The following MAST4 variants were observed in gnomAD, a reference collection of about 807,000 sequenced individuals.
MAST4 encodes microtubule associated serine/threonine kinase family member 4, also known as microtubule-associated serine/threonine-protein kinase 4.
In MAST4, 89 loss-of-function variants were observed where a neutral mutation model predicts 162.7. The ratio of observed to expected loss-of-function variants is 0.55; its 90% CI spans 0.46 to 0.65. The LOEUF (loss-of-function observed/expected upper bound fraction) is 0.65, where lower values mean the gene tolerates loss of function less well. Ranked by LOEUF, MAST4 falls within the 30% of genes least tolerant of loss-of-function variation. The pLI, the probability that MAST4 is intolerant of heterozygous loss-of-function variation, is 0.00. For synonymous variants in MAST4, 1,479 were observed against 1,361.1 expected, an observed-to-expected ratio of 1.09 and a Z score of -1.91; for missense variants, 3,153 against 3,374.0, an observed-to-expected ratio of 0.93 and a Z score of 1.62.
chr5:67,013,002 C>CTAAT lies in MAST4; in HGVS notation c.675-41402_675-41401insTAAT, dbSNP rs368355102. Among the ~76,000 whole-genome samples the CTAAT allele has an allele frequency of 5.6e-3, 857 of 152,272 alleles. 14 individuals carry two copies. The highest frequency in any genetic ancestry group is 0.02 in the African/African-American group (812 of 41,548). Reference sequence around the variant, plus strand: ...TAGATTGGTAAGAAGAATAGGCAGTCATTACTGTATATCTCTTATCTGAAG... The same window carrying CTAAT: ...TAGATTGGTAAGAAGAATAGGCAGTCTAATATTACTGTATATCTCTTATCTGAAG... On this transcript the variant is annotated intron_variant, in intron 4 of 28. Coordinates refer to ENST00000403625, the MANE Select transcript of MAST4 (RefSeq NM_001164664.2).
chr5:66,608,182 C>T (rs948566223), intron 1 of MAST4, among the ~76,000 whole-genome samples: 4 of 151,034 alleles, frequency 2.6e-5, no homozygotes, highest in South Asian at 2.1e-4. Context: ...CTCAGCCTCC[C>T]GAGTAGCTGG....
chr5:66,924,380 G>C (rs1440297067), intron 4 of MAST4, among the ~76,000 whole-genome samples: 1 of 151,698 alleles, frequency 6.6e-6, no homozygotes, highest in South Asian at 2.1e-4. Flanking sequence ...TGACTACTTG[G>C]TCTTTGTAGA....
At chr5:66,799,125 A>G (rs1200326638) in intron 3 of MAST4, among the ~76,000 whole-genome samples, 2 of 152,292 alleles carry the variant, frequency 1.3e-5, no homozygotes, top group African/African-American at 4.8e-5. Flanking sequence ...TGTCAGAATA[A>G]TGGGTGGTAG....
At chr5:66,785,530 G>T (rs1561329354) in intron 2 of MAST4, among the ~76,000 whole-genome samples, 1 of 152,058 alleles carries the variant, frequency 6.6e-6, no homozygotes, top group Non-Finnish European at 1.5e-5. Flanking sequence ...ACCTCTCTGG[G>T]TTTAGACTGG....
chr5:66,790,090 G>C (rs1258059422), intron 3 of MAST4, among the ~76,000 whole-genome samples: 1 of 148,324 alleles, frequency 6.7e-6, no homozygotes, highest in Non-Finnish European at 1.5e-5. Context: ...TTGCATGGGT[G>C]GTAGGGTTGT....
intron 1 of MAST4, among the ~76,000 whole-genome samples, chr5:66,689,338 C>A (rs11953193): frequency 0.76 from 114,904 of 152,022 alleles, 44,652 homozygotes; most frequent in African/African-American, 0.93. Flanking sequence ...TCCCCTAATC[C>A]GAGTTTCTTC....
At chr5:66,718,174 CTTTT>C (rs200133080) in intron 1 of MAST4, among the ~76,000 whole-genome samples, 1 of 134,350 alleles carries the variant, frequency 7.4e-6, no homozygotes, top group East Asian at 2.2e-4. Flanking sequence ...GTTTTTTTTT[CTTTT>C]TTTTTTCTTT....
chr5:67,160,330 T>A (rs1773043814), intron 26 of MAST4, 126 bp from the exon 27 acceptor site: 3 of 984,566 alleles, frequency 3.0e-6, no homozygotes, highest in African/African-American at 3.3e-5. Flanking sequence ...AAGGGTTATT[T>A]AGAAACAGAA....
intron 2 of MAST4, among the ~76,000 whole-genome samples, chr5:66,779,393 CTTT>C (rs57118930): frequency 5.1e-5 from 6 of 116,686 alleles, no homozygotes; most frequent in Admixed American, 8.8e-5. Flanking sequence ...ACACATAGCA[CTTT>C]TTTTTTTTTT....
At chr5:67,113,558 A>C (rs917346132) in intron 11 of MAST4, among the ~76,000 whole-genome samples, 1 of 152,198 alleles carries the variant, frequency 6.6e-6, no homozygotes, top group Non-Finnish European at 1.5e-5. Context: ...GTAGTAACTT[A>C]ATATTATAGT....
At chr5:66,875,775 T>A (rs1431678769) in intron 3 of MAST4, among the ~76,000 whole-genome samples, 1 of 152,166 alleles carries the variant, frequency 6.6e-6, no homozygotes, top group African/African-American at 2.4e-5. Context: ...AAAAAATAAT[T>A]TTAGAGACAG....
intron 10 of MAST4, among the ~76,000 whole-genome samples, chr5:67,109,403 G>A (rs1039961793): frequency 2.6e-5 from 4 of 151,940 alleles, no homozygotes; most frequent in African/African-American, 9.7e-5. Flanking sequence ...TGTGTATTAG[G>A]TGTACATGAA....
At chr5:66,665,153 G>A (rs10471692) in intron 1 of MAST4, among the ~76,000 whole-genome samples, 75,060 of 152,038 alleles carry the variant, frequency 0.49, 19,034 homozygotes, top group South Asian at 0.64. Flanking sequence ...GAATATTTTC[G>A]AAGAGTTTTG....
At chr5:66,722,236 C>T (rs1751255747) in intron 1 of MAST4, among the ~76,000 whole-genome samples, 1 of 152,128 alleles carries the variant, frequency 6.6e-6, no homozygotes, top group South Asian at 2.1e-4. Flanking sequence ...TTTTGTCCCT[C>T]ATTCCGCTCC....
chr5:66,950,570 AGT>A (rs1189903821), intron 4 of MAST4, among the ~76,000 whole-genome samples: 1 of 152,154 alleles, frequency 6.6e-6, no homozygotes, highest in Non-Finnish European at 1.5e-5. Flanking sequence ...TATTTCACTT[AGT>A]GTAATGTCTT....
At chr5:66,712,974 A>T (rs1250084217) in intron 1 of MAST4, among the ~76,000 whole-genome samples, 1 of 152,228 alleles carries the variant, frequency 6.6e-6, no homozygotes, top group Non-Finnish European at 1.5e-5. Flanking sequence ...GAACAGTGTC[A>T]GTGGGATTCA....
intron 1 of MAST4, among the ~76,000 whole-genome samples, chr5:66,644,149 T>G (rs1051504611): frequency 6.6e-6 from 1 of 152,068 alleles, no homozygotes; most frequent in African/African-American, 2.4e-5. Context: ...TTTTTCAGAT[T>G]TAGAAGGAAA....
chr5:66,814,253 A>G (rs1387141128), intron 3 of MAST4, among the ~76,000 whole-genome samples: 1 of 152,222 alleles, frequency 6.6e-6, no homozygotes, highest in Non-Finnish European at 1.5e-5. Context: ...TGGAAAAATA[A>G]AGAATTGCTC....
At chr5:66,920,803 A>G (rs1267274015) in intron 4 of MAST4, among the ~76,000 whole-genome samples, 1 of 152,202 alleles carries the variant, frequency 6.6e-6, no homozygotes, top group East Asian at 1.9e-4. Flanking sequence ...ACTTATATTT[A>G]ACCCTTGAAT....
Sources: gnomAD v4.1 joint callset for allele counts (sites outside exome capture counted in the v4.1 genomes callset) on GRCh38, gnomAD v4.1.1 for gene constraint, MANE v1.5 for transcripts, NCBI Gene and HGNC (gene_info 2026-07-23, HGNC 2026-07-21) for gene names.